Variants in ZNF557 observed in about 807,000 individuals in gnomAD.
The protein encoded by ZNF557 is zinc finger protein 557.
Under a neutral mutation model 21.2 loss-of-function variants are expected in ZNF557, and 19 were observed. That is an observed-to-expected ratio of 0.90 (90% CI 0.63 to 1.32). The LOEUF (loss-of-function observed/expected upper bound fraction) is 1.32, where lower values mean the gene tolerates loss of function less well. Ranked by LOEUF, ZNF557 falls within the 40% of genes most tolerant of loss-of-function variation. ZNF557 has a pLI of 0.00. For synonymous variants in ZNF557, 207 were observed against 194.8 expected (o/e 1.06, Z -0.52); for missense variants, 487 against 519.8 (o/e 0.94, Z 0.61).
At chr19:7,079,246 T>C (rs1977644412) in intron 5 of ZNF557, among the ~76,000 whole-genome samples, 1 of 144,362 alleles carries the variant, frequency 6.9e-6, no homozygotes, top group South Asian at 2.2e-4. Context: ...GTTTCTTTTT[T>C]TTTTTTTTTT....
rs1200928561 is a variant in ZNF557, at chr19:7,083,051, A to G, written c.600A>G (p.Arg200=). 6.2e-7 allele frequency: 1 copy of G among 1,614,008 alleles called. No homozygotes were observed. Among genetic ancestry groups the G allele is most frequent in the Non-Finnish European group, 8.5e-7 (1 of 1,179,930 alleles). The change falls in exon 8 of 8, where the codon AGA becomes AGG. Residue 200 remains arginine, a synonymous_variant. Coordinates refer to ENST00000252840, the MANE Select transcript of ZNF557 (RefSeq NM_024341.3). ...SSRSYLAVHK[R]IHNGEKPYEC... ...GATCTTACCTTGCTGTTCATAAGAG[A>G]ATCCACAATGGGGAGAAACCCTATG...
chr19:7,083,681 G>A lies in ZNF557; in HGVS notation c.1230G>A (p.Gly410=). The change falls in exon 8 of 8, where the codon GGG becomes GGA. Residue 410 remains glycine (G), a synonymous_variant. Transcript: ENST00000252840. ...GKKPYECNYC[G]KSFTSNSYLS... is the part of the protein sequence containing the mutation. The stretch of plus-strand genomic sequence containing the variant: ...AACCCTATGAATGTAATTATTGCGG[G>A]AAATCCTTCACAAGTAACTCCTACC... The A allele has an allele frequency of 6.2e-7, 1 of 1,613,952 alleles. No homozygotes were observed. Among genetic ancestry groups the A allele is most frequent in the Non-Finnish European group, 8.5e-7 (1 of 1,179,952 alleles).
At chr19:7,081,150 G>GGTGTGT (rs531191945) in intron 5 of ZNF557, among the ~76,000 whole-genome samples, 40 of 139,192 alleles carry the variant, frequency 2.9e-4, no homozygotes, top group African/African-American at 8.1e-4. Flanking sequence ...TTGCTTGTGG[G>GGTGTGT]GTGTGTGTGT....
Position 7,087,672 on chromosome 19 carries a change from T to A in ZNF557, c.*3928T>A, listed in dbSNP as rs999255253. The A allele has an allele frequency of 6.6e-6, 1 of 151,274 alleles. No individual in the cohort carries two copies. Among genetic ancestry groups the A allele is most frequent in the African/African-American group, 2.4e-5 (1 of 40,974 alleles). 9.4% of individuals were successfully genotyped at this position (151,274 alleles called of 1,614,324 possible). On this transcript the variant is annotated 3_prime_UTR_variant, in exon 8 of 8. Transcript: ENST00000252840. Reference sequence around the variant, plus strand: ...TACATGATCACAAGTAACCACTAATTGGTTAAAACCAAAGAGAGAGAGAGA... The same window carrying A: ...TACATGATCACAAGTAACCACTAATAGGTTAAAACCAAAGAGAGAGAGAGA...
At chr19:7,082,159 T>G in intron 7 of ZNF557, 107 bp downstream of exon 7, 1 of 831,442 alleles carries the variant, frequency 1.2e-6, no homozygotes, top group Non-Finnish European at 1.9e-6. Flanking sequence ...CTCATGCCTT[T>G]AATCCCAGCA....
intron 2 of ZNF557, among the ~76,000 whole-genome samples, chr19:7,073,370 G>C (rs1332548343): frequency 6.6e-6 from 1 of 152,060 alleles, no homozygotes; most frequent in East Asian, 1.9e-4. Context: ...TGGCCAGGCT[G>C]TTCTTGAACT....
intron 5 of ZNF557, among the ~76,000 whole-genome samples, chr19:7,076,727 A>G (rs1280335728): frequency 4.6e-5 from 7 of 152,086 alleles, no homozygotes; most frequent in African/African-American, 1.7e-4. Context: ...TAGTCATGAA[A>G]TGGTCTCTCC....
At chr19:7,076,223 CAGGGAGAAGAGCTCAGAACCT>C (rs1977584795) in intron 4 of ZNF557, among the ~76,000 whole-genome samples, 137 bp from the exon 5 acceptor site, 1 of 152,132 alleles carries the variant, frequency 6.6e-6, no homozygotes, top group Non-Finnish European at 1.5e-5. Flanking sequence ...GCTCAGAAGC[CAGGGAGAAGAGCTCAGAACCT>C]CAGGAGAGGA....
rs1473517660 is a variant in ZNF557 at position 7,087,301 on chromosome 19, G to GAGGCC, written c.*3559_*3563dup. On this transcript the variant is annotated 3_prime_UTR_variant, in exon 8 of 8. Transcript: ENST00000252840. ...CACGCCTGTAATCCCACCACTTTGG[G>GAGGCC]AGGCCAAGGCAGGCGGATCACCTGA... 1 of 138,822 alleles carries GAGGCC rather than the reference G, an allele frequency of 7.2e-6. No individual in the cohort carries two copies. The highest frequency in any genetic ancestry group is 2.4e-4 in the East Asian group (1 of 4,150). 8.6% of individuals were successfully genotyped at this position (138,822 alleles called of 1,614,324 possible). A position where few individuals can be genotyped will look rare whatever the true frequency, so the allele number is the denominator to read the frequency against.
rs1977868235 is a variant in ZNF557 at position 7,087,069 on chromosome 19, GACA to G, written c.*3326_*3328del. ...GTGTACTAGGCTTTCCTGAAGCTTA[GACA>G]GGCTTTATCCCACTCTGCTGGCTAA... On this transcript the variant is annotated 3_prime_UTR_variant, in exon 8 of 8. Transcript: ENST00000252840. 2.0e-5 allele frequency: 1 copy of G among 49,282 alleles called. No individual in the cohort carries two copies. Among genetic ancestry groups the G allele is most frequent in the Non-Finnish European group, 4.0e-5 (1 of 24,724 alleles). 3.1% of individuals were successfully genotyped at this position (49,282 alleles called of 1,614,324 possible). A position where few individuals can be genotyped will look rare whatever the true frequency, so the allele number is the denominator to read the frequency against.
At chr19:7,075,466 G>A (rs550604215) in intron 3 of ZNF557, among the ~76,000 whole-genome samples, 189 bp from the exon 4 acceptor site, 91 of 152,256 alleles carry the variant, frequency 6.0e-4, no homozygotes, top group African/African-American at 1.9e-3. Context: ...GCGTGGATGC[G>A]GCAGGGCCAT....
chr19:7,086,243 A>AAAAAAAAAAAAAAAAC lies in ZNF557; in HGVS notation c.*2499_*2500insAAAAAAAAAAAAAAAC. On this transcript the variant is annotated 3_prime_UTR_variant, in exon 8 of 8. Coordinates refer to ENST00000252840, the MANE Select transcript of ZNF557 (RefSeq NM_024341.3). ...GCAACTCTGTCTCAAAAAAAAAAAA[A>AAAAAAAAAAAAAAAAC]TCAGACAATATTTGATATATTTTTT... is the stretch of plus-strand genomic sequence containing the variant. The AAAAAAAAAAAAAAAAC allele has an allele frequency of 6.6e-6, 1 of 151,192 alleles. No individual in the cohort carries two copies. The highest frequency in any genetic ancestry group is 2.1e-4 in the South Asian group (1 of 4,808). 9.4% of individuals were successfully genotyped at this position (151,192 alleles called of 1,614,324 possible). A position where few individuals can be genotyped will look rare whatever the true frequency, so the allele number is the denominator to read the frequency against.
chr19:7,073,812 A>G (rs979037790), intron 2 of ZNF557, among the ~76,000 whole-genome samples: 5 of 152,186 alleles, frequency 3.3e-5, no homozygotes, highest in African/African-American at 1.2e-4. Flanking sequence ...GAAGGAAGCC[A>G]GGGCCTGAAT....
chr19:7,076,466 G>A lies in ZNF557; in HGVS notation c.206G>A (p.Arg69Lys). The A allele has an allele frequency of 1.2e-6, 2 of 1,614,170 alleles. No individual in the cohort carries two copies. Among genetic ancestry groups the A allele is most frequent in the Non-Finnish European group, 1.7e-6 (2 of 1,180,030 alleles). The change falls in exon 5 of 8, where the codon AGG (arginine) becomes AAG (lysine). Residue 69 changes from arginine (R) to lysine (K), a missense_variant. Arg to Lys is a conservative substitution (Grantham distance 26). Coordinates refer to ENST00000252840, the MANE Select transcript of ZNF557 (RefSeq NM_024341.3). ...GACCCTGCCCAAAGGACACTGTACAGGGACGTGATGCTGGAGAACTGCAGG... is the reference window on the plus strand; with the variant it reads ...GACCCTGCCCAAAGGACACTGTACAAGGACGTGATGCTGGAGAACTGCAGG... ...LLDPAQRTLY[R>K]DVMLENCRNL...
At chr19:7,071,251 C>T (rs12461040) in intron 2 of ZNF557, among the ~76,000 whole-genome samples, 21,046 of 151,000 alleles carry the variant, frequency 0.14, 1,462 homozygotes, top group Admixed American at 0.16. Flanking sequence ...TTATTTTTTT[C>T]TTTTCCTAAC....
At position 7,070,662 on chromosome 19, in the gene ZNF557, C is replaced by T. The variant is rs764070586; in HGVS notation, c.-80+9C>T. On this transcript the variant is annotated intron_variant, in intron 2 of 7. Coordinates refer to ENST00000252840, the MANE Select transcript of ZNF557 (RefSeq NM_024341.3). ...GACTTCTGTATGATCAGGTAGGTAC[C>T]GTGTAGAACCTGCAAGTTGCAAGAC... is the stretch of plus-strand genomic sequence containing the variant. 1 of 152,112 alleles carries T rather than the reference C, an allele frequency of 6.6e-6. No homozygotes were observed. Among genetic ancestry groups the T allele is most frequent in the East Asian group, 1.9e-4 (1 of 5,202 alleles). The allele number at this position is 152,112 out of a possible 1,614,324, so 9.4% of individuals were successfully genotyped here.
At chr19:7,080,236 G>A (rs1011730743) in intron 5 of ZNF557, among the ~76,000 whole-genome samples, 2 of 151,346 alleles carry the variant, frequency 1.3e-5, no homozygotes, top group South Asian at 2.1e-4. Context: ...CCCAGGAGGT[G>A]GAGGTTGCAG....
chr19:7,084,166 C>T lies in ZNF557; in HGVS notation c.*422C>T, dbSNP rs900446228. On this transcript the variant is annotated 3_prime_UTR_variant, in exon 8 of 8. Coordinates refer to ENST00000252840, the MANE Select transcript of ZNF557 (RefSeq NM_024341.3). Reference sequence around the variant, plus strand: ...AGCCAGTGATCTAAAGGAGCCAACACAGAAAGCATAATGTCTTTTATGACC... The same window carrying T: ...AGCCAGTGATCTAAAGGAGCCAACATAGAAAGCATAATGTCTTTTATGACC... 6 of 180,076 alleles carry T rather than the reference C, an allele frequency of 3.3e-5. No homozygotes were observed. In the East Asian group the frequency reaches 9.4e-4, roughly 28 times the overall value. The allele number at this position is 180,076 out of a possible 1,614,324, so 11.2% of individuals were successfully genotyped here.
intron 5 of ZNF557, among the ~76,000 whole-genome samples, chr19:7,078,339 T>G (rs1047967996): frequency 6.6e-6 from 1 of 152,192 alleles, no homozygotes; most frequent in Non-Finnish European, 1.5e-5. Context: ...AGTTTTTAAG[T>G]GTATCCTATT....
Sources: gnomAD v4.1 joint callset for allele counts (sites outside exome capture counted in the v4.1 genomes callset) on GRCh38, gnomAD v4.1.1 for gene constraint, MANE v1.5 for transcripts, NCBI Gene and HGNC (gene_info 2026-07-23, HGNC 2026-07-21) for gene names.